The following APOL3 variants were observed in gnomAD, a reference collection of about 807,000 sequenced individuals.
The protein encoded by APOL3 is TNF-inducible protein CG12-1.
APOL3 carries 14 observed loss-of-function variants against 11.6 expected under a neutral mutation model. The observed-to-expected ratio is 1.21, with a 90% CI of 0.80 to 1.89. The LOEUF is 1.89. Among genes scored for constraint, APOL3 ranks in the 40% most tolerant of loss-of-function variants. The pLI is 0.00. For synonymous variants in APOL3, 192 were observed against 190.6 expected, an observed-to-expected ratio of 1.01 and a Z score of -0.06; for missense variants, 483 against 492.1, an observed-to-expected ratio of 0.98 and a Z score of 0.17.
intron 1 of APOL3, among the ~76,000 whole-genome samples, chr22:36,151,987 AGTGT>A (rs71322993): frequency 6.6e-6 from 1 of 151,058 alleles, no homozygotes; most frequent in African/African-American, 2.4e-5. Context: ...GAAGAATGTG[AGTGT>A]GTGTGTGTGT....
upstream of APOL3, among the ~76,000 whole-genome samples, chr22:36,161,816 GCT>G (rs925192132): frequency 2.0e-5 from 3 of 151,922 alleles, no homozygotes; most frequent in African/African-American, 7.3e-5. Context: ...AGCTTTTCAA[GCT>G]CTCTGAGTTT....
At position 36,160,765 on chromosome 22, in the gene APOL3, C is replaced by A; in HGVS notation, c.127G>T (p.Val43Leu). 6.2e-7 allele frequency: 1 copy of A among 1,614,148 alleles called. No individual in the cohort carries two copies. Among genetic ancestry groups the A allele is most frequent in the Non-Finnish European group, 8.5e-7 (1 of 1,180,022 alleles). The change falls in exon 1 of 3, where the codon GTG becomes TTG. Residue 43 changes from valine to leucine, a missense_variant. Transcript: ENST00000349314. Reference sequence around the variant, plus strand: ...CGTGCATCTGCATAATAACCAGACACGTTCTCCAGGCTCTGAGATATACCC... The same window carrying A: ...CGTGCATCTGCATAATAACCAGACAAGTTCTCCAGGCTCTGAGATATACCC...
Position 36,142,027 on chromosome 22 carries a change from T to A in APOL3, c.382A>T (p.Lys128Ter). Reference sequence around the variant, plus strand: ...ATAGCTGCATATGTTCTAAGCTTCTTCAGAGCTTCGTAGAGAGCATCTGCC... The same window carrying A: ...ATAGCTGCATATGTTCTAAGCTTCTACAGAGCTTCGTAGAGAGCATCTGCC... The change falls in exon 3 of 3, where the codon AAG becomes TAG. Residue 128 changes from lysine to a stop codon, truncating the protein, a stop_gained. Transcript: ENST00000349314. LOFTEE classifies it low-confidence loss of function (END_TRUNC). 6.2e-7 allele frequency: 1 copy of A among 1,613,806 alleles called. No homozygotes were observed. The highest frequency in any genetic ancestry group is 8.5e-7 in the Non-Finnish European group (1 of 1,179,808).
At position 36,142,064 on chromosome 22, in the gene APOL3, C is replaced by T. The variant is rs745990492; in HGVS notation, c.351-6G>A. Reference sequence around the variant, plus strand: ...AGAGAGCATCTGCCTCATCCCTGTACCAATAAAGGACAGATGATTAAGAAA... The same window carrying T: ...AGAGAGCATCTGCCTCATCCCTGTATCAATAAAGGACAGATGATTAAGAAA... On this transcript the variant is annotated splice_polypyrimidine_tract_variant and splice_region_variant and intron_variant, in intron 2 of 2. Transcript: ENST00000349314. 3.8e-6 allele frequency: 6 copies of T among 1,598,476 alleles called. No homozygotes were observed. In the Admixed American group the frequency reaches 7.0e-5, roughly 19 times the overall value.
chr22:36,158,320 G>A (rs1276299559), intron 1 of APOL3, among the ~76,000 whole-genome samples: 1 of 152,124 alleles, frequency 6.6e-6, no homozygotes, highest in Non-Finnish European at 1.5e-5. Flanking sequence ...GATCGTCAGC[G>A]ATACTCAGCA....
At chr22:36,149,957 C>T in intron 1 of APOL3, 1 of 455,496 alleles carries the variant, frequency 2.2e-6, no homozygotes, top group South Asian at 1.6e-5. Flanking sequence ...CAGGTACATA[C>T]CACCACGCTA....
chr22:36,160,011 A>G (rs1236694990), intron 1 of APOL3, among the ~76,000 whole-genome samples: 1 of 151,986 alleles, frequency 6.6e-6, no homozygotes, highest in Non-Finnish European at 1.5e-5. Flanking sequence ...CCTCCCAAGT[A>G]GCTGGGATTA....
intron 1 of APOL3, among the ~76,000 whole-genome samples, chr22:36,148,552 G>A (rs770128073): frequency 2.7e-4 from 41 of 152,388 alleles, no homozygotes; most frequent in East Asian, 9.6e-4. Flanking sequence ...GGGACGCTGA[G>A]TCACTCTTTT....
chr22:36,164,235 G>A (rs2013802593), upstream of APOL3, among the ~76,000 whole-genome samples: 1 of 152,096 alleles, frequency 6.6e-6, no homozygotes, highest in African/African-American at 2.4e-5. Flanking sequence ...ACCTTCCCTA[G>A]CAGAGGTCTA....
At position 36,141,330 on chromosome 22, in the gene APOL3, G is replaced by A. The variant is rs2059975611; in HGVS notation, c.1079C>T (p.Ser360Leu). The change falls in exon 3 of 3, where the codon TCA (serine) becomes TTA (leucine). Residue 360 changes from serine (S) to leucine (L), a missense_variant. Ser to Leu is a moderately radical substitution (Grantham distance 145). Coordinates refer to ENST00000349314, the Ensembl canonical transcript of APOL3. ...CTTTGCCCCCTCATGCAAGTGCTTT[G>A]ACTCGTATACAAGGTTGACCACATC... 4 of 1,614,146 alleles carry A rather than the reference G, an allele frequency of 2.5e-6. No homozygotes were observed. The East Asian group carries it at 8.9e-5, about 36-fold the overall frequency.
At chr22:36,142,161 G>T in intron 2 of APOL3, 103 bp from the exon 4 acceptor site, 1 of 1,281,570 alleles carries the variant, frequency 7.8e-7, no homozygotes. Flanking sequence ...ATTACTATGA[G>T]TCAAATGGAA....
Position 36,149,044 on chromosome 22 carries a change from A to G in APOL3, c.224-3445T>C, listed in dbSNP as rs1213456062. The G allele has an allele frequency of 7.3e-7, 1 of 1,368,442 alleles. No individual in the cohort carries two copies. Among genetic ancestry groups the G allele is most frequent in the South Asian group, 1.1e-5 (1 of 88,668 alleles). The allele number at this position is 1,368,442 out of a possible 1,614,324, so 84.8% of individuals were successfully genotyped here. On this transcript the variant is annotated intron_variant, in intron 1 of 2. Coordinates refer to ENST00000349314, the Ensembl canonical transcript of APOL3. ...CCAGGGAAGAGGAAGAAGCAAGCCT[A>G]CCTGAGTCCATGGTGCCAGCAGCCA...
chr22:36,163,157 GAGGCAAAATGGTTTCTT>G (rs2013775134), upstream of APOL3, among the ~76,000 whole-genome samples: 1 of 152,208 alleles, frequency 6.6e-6, no homozygotes, highest in Non-Finnish European at 1.5e-5. Context: ...GAAGCTTTGA[GAGGCAAAATGGTTTCTT>G]ATGCTCTGGC....
At chr22:36,155,331 G>A (rs542292668) in intron 1 of APOL3, among the ~76,000 whole-genome samples, 7 of 152,250 alleles carry the variant, frequency 4.6e-5, no homozygotes, top group Admixed American at 6.5e-5. Flanking sequence ...TGTTAACAAC[G>A]CAGTGGTTCC....
chr22:36,153,948 A>G (rs979277665), intron 1 of APOL3, among the ~76,000 whole-genome samples: 4 of 152,172 alleles, frequency 2.6e-5, no homozygotes, highest in African/African-American at 9.7e-5. Context: ...GTAAATTGAA[A>G]CGTTTTCTGG....
intron 1 of APOL3, chr22:36,156,918 CA>C (rs2012973259): frequency 6.6e-6 from 3 of 455,910 alleles, no homozygotes; most frequent in South Asian, 4.6e-5. Context: ...GGACTAAAAG[CA>C]ACCAGCCTCT....
chr22:36,141,238 G>C (rs2146717824), exon 3 of APOL3: 1 of 1,614,082 alleles, frequency 6.2e-7, no homozygotes, highest in Non-Finnish European at 8.5e-7. Flanking sequence ...TGATAGATCT[G>C]AGTGAGCTCC....
At chr22:36,149,491 C>T in intron 1 of APOL3, 2 of 891,582 alleles carry the variant, frequency 2.2e-6, no homozygotes, top group Non-Finnish European at 1.6e-6. Context: ...ATGACCTGGG[C>T]CTGGCAACAT....
upstream of APOL3, among the ~76,000 whole-genome samples, chr22:36,162,268 T>C (rs2013742326): frequency 6.6e-6 from 1 of 152,112 alleles, no homozygotes; most frequent in African/African-American, 2.4e-5. Context: ...AAGTTGGTGG[T>C]ATAGTTTGTG....
Sources: gnomAD v4.1 joint callset for allele counts (sites outside exome capture counted in the v4.1 genomes callset) on GRCh38, gnomAD v4.1.1 for gene constraint, MANE v1.5 for transcripts, NCBI Gene and HGNC (gene_info 2026-07-23, HGNC 2026-07-21) for gene names.